Variants in CFAP96 observed in about 807,000 individuals in gnomAD.
CFAP96 encodes cilia-and flagella-associated protein 96.
At chr4:185,443,628 C>T in the CFAP96 span, among the ~76,000 whole-genome samples, 7 of 151,418 alleles carry the variant, frequency 4.6e-5, no homozygotes, top group South Asian at 2.1e-4. Flanking sequence ...GGATTACAGG[C>T]GTGAGCCACA....
the CFAP96 span, among the ~76,000 whole-genome samples, chr4:185,443,340 ATATTTT>A: frequency 0.1 from 2,918 of 28,418 alleles, 71 homozygotes; most frequent in Middle Eastern, 0.22. Flanking sequence ...ATATATATAT[ATATTTT>A]TTTTTTTTTT....
At chr4:185,433,794 C>T in the CFAP96 span, among the ~76,000 whole-genome samples, 45 of 152,036 alleles carry the variant, frequency 3.0e-4, no homozygotes, top group South Asian at 2.9e-3. Context: ...CCCAGCTACT[C>T]GGGAGGCTGA....
the CFAP96 span, among the ~76,000 whole-genome samples, chr4:185,437,441 TTAA>T: frequency 6.6e-6 from 1 of 152,342 alleles, no homozygotes; most frequent in South Asian, 2.1e-4. Context: ...ACATTAAGCA[TTAA>T]ATGGCAATCA....
chr4:185,446,544 T>G, the CFAP96 span, among the ~76,000 whole-genome samples: 4 of 152,190 alleles, frequency 2.6e-5, no homozygotes, highest in African/African-American at 9.7e-5. Flanking sequence ...TATTTTGATC[T>G]AGTCAGTTGC....
At chr4:185,440,525 C>T in the CFAP96 span, 1 of 1,473,270 alleles carries the variant, frequency 6.8e-7, no homozygotes, top group Admixed American at 2.9e-5. Context: ...TAATTTCAAA[C>T]TCTTTAATTC....
At chr4:185,429,000 C>T in the CFAP96 span, among the ~76,000 whole-genome samples, 8 of 152,310 alleles carry the variant, frequency 5.3e-5, no homozygotes, top group African/African-American at 1.9e-4. Flanking sequence ...CTACCCTGAA[C>T]TTCTCAAAAG....
chr4:185,429,523 T>A, the CFAP96 span: 1 of 1,442,106 alleles, frequency 6.9e-7, no homozygotes, highest in African/African-American at 1.4e-5. Context: ...TAAGTATATT[T>A]GCTTTTCTCT....
At chr4:185,415,300 A>C in the CFAP96 span, 63 of 1,601,716 alleles carry the variant, frequency 3.9e-5, no homozygotes, top group Non-Finnish European at 5.3e-5. Context: ...ACATTTTTCC[A>C]TGTCAGTTAG....
the CFAP96 span, chr4:185,415,392 C>T: frequency 2.7e-6 from 4 of 1,455,758 alleles, no homozygotes; most frequent in South Asian, 4.3e-5. Flanking sequence ...GTTATAGTGA[C>T]TACAATAAAG....
At chr4:185,430,332 C>T in the CFAP96 span, among the ~76,000 whole-genome samples, 1 of 151,900 alleles carries the variant, frequency 6.6e-6, no homozygotes, top group Non-Finnish European at 1.5e-5. Context: ...GGAGATATCT[C>T]GAAGATACAT....
chr4:185,434,802 G>A, the CFAP96 span, among the ~76,000 whole-genome samples: 25 of 151,914 alleles, frequency 1.6e-4, no homozygotes, highest in Admixed American at 1.3e-3. Flanking sequence ...GCAGTGGCGC[G>A]ATCTCAGCTC....
At chr4:185,425,927 C>T in the CFAP96 span, 1 of 1,564,316 alleles carries the variant, frequency 6.4e-7, no homozygotes, top group Middle Eastern at 1.7e-4. Context: ...CGGGGGCCGG[C>T]CCTGAAGTGG....
the CFAP96 span, chr4:185,436,250 TC>T: frequency 7.1e-6 from 11 of 1,545,172 alleles, no homozygotes; most frequent in Non-Finnish European, 9.6e-6. Context: ...ATTTCTGAAT[TC>T]TGAAGTCACC....
At chr4:185,441,086 GATT>G in the CFAP96 span, among the ~76,000 whole-genome samples, 1 of 151,990 alleles carries the variant, frequency 6.6e-6, no homozygotes. Context: ...GAGTAGCTGA[GATT>G]ACAGGCATGT....
At chr4:185,446,653 A>G in the CFAP96 span, among the ~76,000 whole-genome samples, 1 of 152,224 alleles carries the variant, frequency 6.6e-6, no homozygotes. Context: ...ATTAGCAAAA[A>G]ATGATTTTAC....
At chr4:185,449,307 G>A in the CFAP96 span, among the ~76,000 whole-genome samples, 1 of 152,108 alleles carries the variant, frequency 6.6e-6, no homozygotes, top group African/African-American at 2.4e-5. Flanking sequence ...GATCGCTTGA[G>A]CCCAGGATTT....
At chr4:185,423,903 ACT>A in the CFAP96 span, among the ~76,000 whole-genome samples, 5 of 152,090 alleles carry the variant, frequency 3.3e-5, no homozygotes, top group Non-Finnish European at 7.4e-5. Context: ...ATTTCATGAG[ACT>A]CTCAAAACAT....
the CFAP96 span, among the ~76,000 whole-genome samples, chr4:185,446,830 C>A: frequency 6.6e-6 from 1 of 152,182 alleles, no homozygotes; most frequent in African/African-American, 2.4e-5. Flanking sequence ...GACTAATTAG[C>A]TTGAGATGCC....
At chr4:185,445,636 C>A in the CFAP96 span, 1 of 773,626 alleles carries the variant, frequency 1.3e-6, no homozygotes, top group Non-Finnish European at 2.1e-6. Flanking sequence ...CTTAAAACTT[C>A]AATTTTATCC....
Sources: gnomAD v4.1 joint callset for allele counts (sites outside exome capture counted in the v4.1 genomes callset) on GRCh38, gnomAD v4.1.1 for gene constraint, MANE v1.5 for transcripts, NCBI Gene and HGNC (gene_info 2026-07-23, HGNC 2026-07-21) for gene names.